DMD: variants seen among roughly 807,000 people sequenced by gnomAD.
DMD encodes dystrophin, also known as mutant dystrophin.
DMD carries 63 observed loss-of-function variants against 330.1 expected under a neutral mutation model. The ratio of observed to expected loss-of-function variants is 0.19; its 90% confidence interval spans 0.16 to 0.24. DMD has a LOEUF of 0.24. Among genes scored for constraint, DMD ranks in the 10% least tolerant of loss-of-function variants. DMD has a pLI of 1.00. For synonymous variants in DMD, 1,223 were observed against 959.8 expected (o/e 1.27, Z -5.07); for missense variants, 3,344 against 2,684.1 (o/e 1.25, Z -5.43).
intron 6 of DMD, among the ~76,000 whole-genome samples, chrX:32,814,200 A>G (rs1398994437): frequency 8.9e-6 from 1 of 112,243 alleles, no homozygotes; most frequent in Non-Finnish European, 1.9e-5. Flanking sequence ...TAGGAAGACA[A>G]TTGTAACTTT....
intron 35 of DMD, 67 bp from the exon 36 acceptor site, chrX:32,364,777 GTT>G: frequency 9.1e-7 from 1 of 1,103,221 alleles, no homozygotes; most frequent in Non-Finnish European, 1.2e-6. Flanking sequence ...TTTTTCCTAT[GTT>G]CTAAAATGTT....
At chrX:32,641,436 A>ATATATATATATATATATC in intron 11 of DMD, 1 of 113,637 alleles carries the variant, frequency 8.8e-6, no homozygotes, top group Admixed American at 1.1e-4. Flanking sequence ...ATATATATAT[A>ATATATATATATATATATC]TCTCACAATG....
intron 44 of DMD, among the ~76,000 whole-genome samples, chrX:32,039,963 T>C (rs1031786598): frequency 8.9e-6 from 1 of 111,922 alleles, no homozygotes; most frequent in Non-Finnish European, 1.9e-5. Context: ...ATTTTAAGCA[T>C]GTACCCTATA....
At chrX:32,966,717 C>T (rs1272822914) in intron 2 of DMD, among the ~76,000 whole-genome samples, 3 of 111,594 alleles carry the variant, frequency 2.7e-5, no homozygotes, top group African/African-American at 9.8e-5. Flanking sequence ...CTGCAGCACC[C>T]GTGGAGGGAA....
At chrX:31,610,384 G>C (rs2077843198) in intron 55 of DMD, among the ~76,000 whole-genome samples, 1 of 111,398 alleles carries the variant, frequency 9.0e-6, no homozygotes, top group Non-Finnish European at 1.9e-5. Flanking sequence ...TGAAGGAGTT[G>C]TGCCTTTTAC....
intron 1 of DMD, among the ~76,000 whole-genome samples, chrX:33,233,377 A>G (rs1364968136): frequency 8.9e-6 from 1 of 111,751 alleles, no homozygotes; most frequent in Non-Finnish European, 1.9e-5. Context: ...ACAGCCCCAC[A>G]CTGTAAACAA....
At chrX:32,424,792 TA>T (rs201484279) in intron 29 of DMD, among the ~76,000 whole-genome samples, 4,194 of 90,732 alleles carry the variant, frequency 0.046, 187 homozygotes, top group African/African-American at 0.14. Flanking sequence ...AGAGAGATTG[TA>T]AAAAAAAAAA....
chrX:31,208,785 A>G (rs1370426057), intron 65 of DMD, among the ~76,000 whole-genome samples: 5 of 110,665 alleles, frequency 4.5e-5, no homozygotes, highest in Non-Finnish European at 9.5e-5. Flanking sequence ...AGATCTAAGA[A>G]GAATTTAGGC....
At chrX:32,766,725 TA>T (rs1433589751) in intron 7 of DMD, among the ~76,000 whole-genome samples, 1 of 111,443 alleles carries the variant, frequency 9.0e-6, no homozygotes, top group Non-Finnish European at 1.9e-5. Context: ...TGAATATAGT[TA>T]ATAGAGTATT....
intron 60 of DMD, among the ~76,000 whole-genome samples, chrX:31,438,472 C>A (rs1321844109): frequency 9.0e-6 from 1 of 111,491 alleles, no homozygotes; most frequent in Non-Finnish European, 1.9e-5. Context: ...ATAAGCCTTC[C>A]AGGTGAATTT....
chrX:32,184,016 G>A (rs2096936912), intron 44 of DMD, among the ~76,000 whole-genome samples: 1 of 110,283 alleles, frequency 9.1e-6, no homozygotes, highest in Non-Finnish European at 1.9e-5. Flanking sequence ...CATTCGAAAT[G>A]TACTTTTCAT....
intron 2 of DMD, among the ~76,000 whole-genome samples, chrX:32,876,028 A>G (rs1365805969): frequency 9.0e-6 from 1 of 111,634 alleles, no homozygotes; most frequent in Non-Finnish European, 1.9e-5. Flanking sequence ...CCTATCAAAC[A>G]CACACTGATT....
chrX:32,761,141 T>G (rs1569512653), intron 7 of DMD, among the ~76,000 whole-genome samples: 1 of 112,230 alleles, frequency 8.9e-6, no homozygotes, highest in African/African-American at 3.2e-5. Flanking sequence ...CCTGTGACTT[T>G]AATAATGTTG....
intron 1 of DMD, among the ~76,000 whole-genome samples, chrX:33,119,757 G>A (rs1010381547): frequency 3.3e-4 from 37 of 112,213 alleles, no homozygotes; most frequent in Non-Finnish European, 7.5e-5. Flanking sequence ...TATGGAGTGA[G>A]TAGAAAAGGA....
intron 15 of DMD, among the ~76,000 whole-genome samples, chrX:32,572,824 G>A (rs2052580284): frequency 9.0e-6 from 1 of 111,139 alleles, no homozygotes; most frequent in Admixed American, 9.7e-5. Flanking sequence ...GAGGGCGGAT[G>A]TCTCATGAAT....
rs777665177 is a variant in DMD at position 32,084,220 on chromosome X, CAGTG to C, written c.6439-115710_6439-115707del. Among the ~76,000 whole-genome samples, 236 of 111,304 alleles carry C rather than the reference CAGTG, an allele frequency of 2.1e-3. 1 individual carries two copies. The highest frequency in any genetic ancestry group is 0.011 in the Admixed American group (120 of 10,442). On this transcript the variant is annotated intron_variant, in intron 44 of 78. Transcript: ENST00000357033. ...GACTTAGTCAAGGAAAGAGACAATA[CAGTG>C]AGTGAGTGAGTGTGTGTTTGTGTAT...
At chrX:32,822,887 T>A (rs1319155604) in intron 5 of DMD, among the ~76,000 whole-genome samples, 1 of 111,408 alleles carries the variant, frequency 9.0e-6, no homozygotes, top group Admixed American at 9.6e-5. Context: ...CATATTCTAC[T>A]AATCTTTTAT....
At chrX:32,605,689 T>C (rs1285960792) in intron 12 of DMD, among the ~76,000 whole-genome samples, 1 of 109,986 alleles carries the variant, frequency 9.1e-6, no homozygotes, top group Non-Finnish European at 1.9e-5. Context: ...TAAAAGTAAC[T>C]CAACAAGAAG....
chrX:31,854,458 C>G (rs1331414415), intron 48 of DMD, among the ~76,000 whole-genome samples: 1 of 111,884 alleles, frequency 8.9e-6, no homozygotes, highest in Non-Finnish European at 1.9e-5. Context: ...AGTGCAAACA[C>G]TCTGCTATGC....
Sources: allele counts gnomAD v4.1 joint callset (sites outside exome capture counted in the v4.1 genomes callset), GRCh38; gene constraint gnomAD v4.1.1; transcripts MANE v1.5; gene names NCBI Gene and HGNC (gene_info 2026-07-23, HGNC 2026-07-21).